Variants in JAKMIP2 observed in about 807,000 individuals in gnomAD.
The protein encoded by JAKMIP2 is janus kinase and microtubule interacting protein 2.
JAKMIP2 carries 25 observed loss-of-function variants against 115.0 expected under a neutral mutation model. The ratio of observed to expected loss-of-function variants is 0.22; its 90% CI spans 0.16 to 0.30. JAKMIP2 has a LOEUF of 0.30. JAKMIP2 is among the 10% of genes least tolerant of loss of function. JAKMIP2 has a pLI of 1.00. For synonymous variants in JAKMIP2, 334 were observed against 343.6 expected, an observed-to-expected ratio of 0.97 and a Z score of 0.31; for missense variants, 642 against 957.6, an observed-to-expected ratio of 0.67 and a Z score of 4.35.
At chr5:147,612,552 A>G (rs150393216) in intron 19 of JAKMIP2, among the ~76,000 whole-genome samples, 181 bp from the exon 20 acceptor site, 39 of 152,316 alleles carry the variant, frequency 2.6e-4, no homozygotes, top group African/African-American at 3.4e-4. Flanking sequence ...GAAATTATCT[A>G]TGTTTGTGGT....
chr5:147,610,727 T>C (rs1422044040), intron 20 of JAKMIP2, among the ~76,000 whole-genome samples: 1 of 152,204 alleles, frequency 6.6e-6, no homozygotes, highest in African/African-American at 2.4e-5. Flanking sequence ...GGAGATCCAC[T>C]GCTCTCTTCA....
At chr5:147,605,901 T>C (rs1013689617) in intron 20 of JAKMIP2, among the ~76,000 whole-genome samples, 3 of 152,348 alleles carry the variant, frequency 2.0e-5, no homozygotes, top group African/African-American at 4.8e-5. Flanking sequence ...TGGTATCTCA[T>C]TGTGGTTTTA....
intron 1 of JAKMIP2, among the ~76,000 whole-genome samples, chr5:147,739,839 G>C (rs1013403009): frequency 1.3e-5 from 2 of 152,012 alleles, no homozygotes; most frequent in Non-Finnish European, 2.9e-5. Context: ...AAGTTAGACT[G>C]TCTGTGATTT....
chr5:147,689,577 T>C (rs907453167), intron 1 of JAKMIP2, among the ~76,000 whole-genome samples: 7 of 152,198 alleles, frequency 4.6e-5, no homozygotes, highest in African/African-American at 1.7e-4. Context: ...ATGGGATCAG[T>C]AAGTTGAGCT....
intron 21 of JAKMIP2, among the ~76,000 whole-genome samples, chr5:147,600,293 A>G (rs1240945970): frequency 6.6e-6 from 1 of 152,052 alleles, no homozygotes; most frequent in Non-Finnish European, 1.5e-5. Context: ...TGAAAAGAAA[A>G]TATTTTGGAA....
chr5:147,678,898 G>C (rs1760113870), intron 1 of JAKMIP2, among the ~76,000 whole-genome samples: 1 of 152,052 alleles, frequency 6.6e-6, no homozygotes, highest in Non-Finnish European at 1.5e-5. Context: ...AATCCTGGTT[G>C]TATACTCTGT....
chr5:147,618,442 A>G (rs1222145267), intron 18 of JAKMIP2, among the ~76,000 whole-genome samples: 1 of 152,088 alleles, frequency 6.6e-6, no homozygotes, highest in African/African-American at 2.4e-5. Flanking sequence ...TCTCACTTCT[A>G]CTTGACAGCT....
At chr5:147,666,806 G>A (rs868660274) in intron 2 of JAKMIP2, among the ~76,000 whole-genome samples, 1 of 151,938 alleles carries the variant, frequency 6.6e-6, no homozygotes, top group South Asian at 2.1e-4. Context: ...ATTCTCTTAC[G>A]GCTATTGTGA....
At chr5:147,773,860 A>C (rs1414397976) in intron 1 of JAKMIP2, among the ~76,000 whole-genome samples, 1 of 152,208 alleles carries the variant, frequency 6.6e-6, no homozygotes, top group South Asian at 2.1e-4. Context: ...AATGTGGACA[A>C]TCTGGCTAAG....
intron 1 of JAKMIP2, among the ~76,000 whole-genome samples, chr5:147,686,927 T>C (rs1760598743): frequency 6.6e-6 from 1 of 152,216 alleles, no homozygotes; most frequent in Non-Finnish European, 1.5e-5. Context: ...TATAGACAAC[T>C]TATTAGGAAA....
intron 1 of JAKMIP2, among the ~76,000 whole-genome samples, chr5:147,698,542 G>A (rs967342727): frequency 4.6e-5 from 7 of 152,172 alleles, no homozygotes; most frequent in African/African-American, 1.7e-4. Flanking sequence ...TGTGTTGTGG[G>A]ACGGACCCAG....
rs144962319 is a variant in JAKMIP2 at position 147,681,346 on chromosome 5, T to C, written c.-148-9392A>G. The stretch of plus-strand genomic sequence containing the variant: ...CTAAGCAAACCCTTGACTTTGCTCA[T>C]GCAATTCTTTGTTTGATTTCCCTTT... On this transcript the variant is annotated intron_variant, in intron 1 of 21. Coordinates refer to ENST00000616793, the MANE Select transcript of JAKMIP2 (RefSeq NM_001270941.2). Among the ~76,000 whole-genome samples, 69 of 152,312 alleles carry C rather than the reference T, an allele frequency of 4.5e-4. 1 individual carries two copies. The East Asian group carries it at 0.013, about 29-fold the overall frequency.
chr5:147,649,736 T>C (rs1758305010), intron 4 of JAKMIP2, among the ~76,000 whole-genome samples: 1 of 152,172 alleles, frequency 6.6e-6, no homozygotes, highest in Non-Finnish European at 1.5e-5. Context: ...TGTTCCTAAA[T>C]AATACATTTC....
intron 1 of JAKMIP2, among the ~76,000 whole-genome samples, chr5:147,727,098 T>G (rs1753549798): frequency 6.6e-6 from 1 of 152,208 alleles, no homozygotes; most frequent in African/African-American, 2.4e-5. Context: ...TTGTTGATTC[T>G]CTTCTCCTCC....
intron 1 of JAKMIP2, among the ~76,000 whole-genome samples, chr5:147,711,364 G>C (rs1752773899): frequency 6.6e-6 from 1 of 152,072 alleles, no homozygotes; most frequent in Non-Finnish European, 1.5e-5. Flanking sequence ...TTTTGCATTG[G>C]GTACTTTGCT....
intron 1 of JAKMIP2, among the ~76,000 whole-genome samples, chr5:147,757,120 C>A (rs1754770163): frequency 6.6e-6 from 1 of 151,990 alleles, no homozygotes; most frequent in African/African-American, 2.4e-5. Context: ...GGTGTGGGGT[C>A]ATGATCTGTT....
At position 147,639,727 on chromosome 5, in the gene JAKMIP2, G is replaced by T. The variant is rs772321659; in HGVS notation, c.1435C>A (p.Arg479=). The change falls in exon 10 of 22, where the codon CGA becomes AGA. Residue 479 remains arginine, a synonymous_variant. Coordinates refer to ENST00000616793, the MANE Select transcript of JAKMIP2 (RefSeq NM_001270941.2). The part of the protein sequence containing the change: ...LAAEESELRF[R]QLTKEYQALQ... Reference sequence around the variant, plus strand: ...GCCTGATATTCTTTTGTTAATTGTCGAAATCTTAGTTCAGATTCTTCAGCT... The same window carrying T: ...GCCTGATATTCTTTTGTTAATTGTCTAAATCTTAGTTCAGATTCTTCAGCT... The T allele has an allele frequency of 1.2e-5, 20 of 1,613,522 alleles. No individual in the cohort carries two copies. Among genetic ancestry groups the T allele is most frequent in the Admixed American group, 1.7e-5 (1 of 59,966 alleles).
At position 147,673,904 on chromosome 5, in the gene JAKMIP2, G is replaced by A. The variant is rs75430770; in HGVS notation, c.-148-1950C>T. On this transcript the variant is annotated intron_variant, in intron 1 of 21. Coordinates refer to ENST00000616793, the MANE Select transcript of JAKMIP2 (RefSeq NM_001270941.2). Reference sequence around the variant, plus strand: ...TGTTGTTGTTCTGGGCTTTTCCAGAGGACCTCCACCAGCCTCCTACGTAGT... The same window carrying A: ...TGTTGTTGTTCTGGGCTTTTCCAGAAGACCTCCACCAGCCTCCTACGTAGT... Among the ~76,000 whole-genome samples, 1,060 of 152,038 alleles carry A rather than the reference G, an allele frequency of 7.0e-3. 17 individuals carry two copies. Among genetic ancestry groups the A allele is most frequent in the African/African-American group, 0.025 (1,017 of 41,474 alleles).
intron 1 of JAKMIP2, among the ~76,000 whole-genome samples, chr5:147,695,688 GAC>G (rs57934065): frequency 0.079 from 11,572 of 145,766 alleles, 973 homozygotes; most frequent in East Asian, 0.44. Flanking sequence ...GAGAGAGAGA[GAC>G]AGAGACAGAG....
Sources: gnomAD v4.1 joint callset for allele counts (sites outside exome capture counted in the v4.1 genomes callset) on GRCh38, gnomAD v4.1.1 for gene constraint, MANE v1.5 for transcripts, NCBI Gene and HGNC (gene_info 2026-07-23, HGNC 2026-07-21) for gene names.